GALNTL6: variants seen among roughly 807,000 people sequenced by gnomAD.
GALNTL6 encodes the protein polypeptide N-acetylgalactosaminyltransferase-like 6.
A neutral mutation model predicts 73.7 loss-of-function variants in GALNTL6; 46 were observed. The observed-to-expected ratio is 0.62, with a 90% CI of 0.49 to 0.80. The LOEUF is 0.80. GALNTL6 is among the 30% of genes least tolerant of loss of function. The pLI is 0.00. For synonymous variants in GALNTL6, 259 were observed against 263.7 expected, an observed-to-expected ratio of 0.98 and a Z score of 0.17; for missense variants, 604 against 755.0, an observed-to-expected ratio of 0.80 and a Z score of 2.34.
At chr4:172,540,051 C>CTTTTTTTTT (rs70944413) in intron 5 of GALNTL6, among the ~76,000 whole-genome samples, 2 of 129,202 alleles carry the variant, frequency 1.5e-5, no homozygotes, top group Non-Finnish European at 3.3e-5. Flanking sequence ...TTCTTTCTTT[C>CTTTTTTTTT]TTTTTTTTTT....
intron 2 of GALNTL6, among the ~76,000 whole-genome samples, chr4:172,179,500 G>C (rs1735164959): frequency 7.2e-6 from 1 of 138,062 alleles, no homozygotes; most frequent in Non-Finnish European, 1.5e-5. Flanking sequence ...TTTTGATGGG[G>C]TTGTTTGTTT....
chr4:172,532,131 A>C (rs943417590), intron 5 of GALNTL6, among the ~76,000 whole-genome samples: 1 of 152,154 alleles, frequency 6.6e-6, no homozygotes, highest in African/African-American at 2.4e-5. Context: ...TATGAGTTGG[A>C]TTGATACACT....
intron 5 of GALNTL6, among the ~76,000 whole-genome samples, chr4:172,749,277 C>T (rs1737292786): frequency 6.6e-6 from 1 of 152,010 alleles, no homozygotes; most frequent in Non-Finnish European, 1.5e-5. Flanking sequence ...CCTACGATAT[C>T]CTTATACACC....
At chr4:172,979,247 T>C (rs1180579391) in intron 10 of GALNTL6, among the ~76,000 whole-genome samples, 1 of 152,212 alleles carries the variant, frequency 6.6e-6, no homozygotes, top group African/African-American at 2.4e-5. Flanking sequence ...AAATTATTGA[T>C]AATGGAAACT....
chr4:172,439,272 A>G (rs1731745655), intron 5 of GALNTL6, among the ~76,000 whole-genome samples: 1 of 151,696 alleles, frequency 6.6e-6, no homozygotes, highest in African/African-American at 2.4e-5. Context: ...CCAATATTCC[A>G]CAAAGACTGT....
At chr4:172,346,358 C>G (rs1310976891) in intron 4 of GALNTL6, among the ~76,000 whole-genome samples, 3 of 152,188 alleles carry the variant, frequency 2.0e-5, no homozygotes, top group Non-Finnish European at 2.9e-5. Flanking sequence ...CAATATGTCC[C>G]TCACACAGGC....
intron 5 of GALNTL6, among the ~76,000 whole-genome samples, chr4:172,600,030 G>A (rs1737996585): frequency 6.6e-6 from 1 of 152,046 alleles, no homozygotes; most frequent in Non-Finnish European, 1.5e-5. Flanking sequence ...AAGTTAACAG[G>A]TAAATTTCTA....
At chr4:172,213,289 G>A (rs1237118866) in intron 2 of GALNTL6, among the ~76,000 whole-genome samples, 2 of 152,144 alleles carry the variant, frequency 1.3e-5, no homozygotes. Context: ...TTTCAAACTA[G>A]TTAGGTAAAT....
intron 2 of GALNTL6, among the ~76,000 whole-genome samples, chr4:172,182,658 G>C (rs960002291): frequency 2.0e-5 from 3 of 151,578 alleles, no homozygotes; most frequent in African/African-American, 7.3e-5. Context: ...CATTTCTAGG[G>C]GGGAGTAAAA....
chr4:172,799,995 C>G (rs902319424), intron 5 of GALNTL6, among the ~76,000 whole-genome samples: 2 of 152,132 alleles, frequency 1.3e-5, no homozygotes, highest in African/African-American at 2.4e-5. Context: ...GGACATTGCA[C>G]TGAGACAAGT....
At chr4:172,966,076 A>G (rs1750311902) in intron 10 of GALNTL6, among the ~76,000 whole-genome samples, 1 of 152,250 alleles carries the variant, frequency 6.6e-6, no homozygotes, top group South Asian at 2.1e-4. Context: ...AAAAATTAAG[A>G]GAATTGAATA....
chr4:172,391,980 A>T (rs1035606485), intron 5 of GALNTL6, among the ~76,000 whole-genome samples: 2 of 152,108 alleles, frequency 1.3e-5, no homozygotes, highest in African/African-American at 4.8e-5. Flanking sequence ...TTAACTCAAA[A>T]AATTTTAAAC....
At chr4:172,519,477 C>T (rs1734708363) in intron 5 of GALNTL6, among the ~76,000 whole-genome samples, 1 of 150,086 alleles carries the variant, frequency 6.7e-6, no homozygotes, top group Non-Finnish European at 1.5e-5. Context: ...AAATCAATTA[C>T]CTGAATGTTT....
chr4:172,220,013 T>G (rs775373191), intron 2 of GALNTL6, among the ~76,000 whole-genome samples: 1 of 151,912 alleles, frequency 6.6e-6, no homozygotes, highest in African/African-American at 2.4e-5. Context: ...AATCCAATTC[T>G]CTGTTAGGAA....
At chr4:172,084,844 A>G (rs919217005) in intron 2 of GALNTL6, among the ~76,000 whole-genome samples, 1 of 152,184 alleles carries the variant, frequency 6.6e-6, no homozygotes, top group Non-Finnish European at 1.5e-5. Context: ...AAGAAGGAGA[A>G]TAGACACAGC....
intron 5 of GALNTL6, among the ~76,000 whole-genome samples, chr4:172,350,640 G>A (rs559435955): frequency 6.6e-6 from 1 of 152,226 alleles, no homozygotes; most frequent in East Asian, 1.9e-4. Context: ...CAAATTGAAA[G>A]TATAATTTTA....
At chr4:172,264,555 A>AATATATATATATATAT (rs201920170) in intron 3 of GALNTL6, among the ~76,000 whole-genome samples, 129 of 103,690 alleles carry the variant, frequency 1.2e-3, no homozygotes, top group South Asian at 2.2e-3. Flanking sequence ...ATATATGCCA[A>AATATATATATATATAT]ATATATATAT....
At chr4:172,264,580 A>ATG (rs1738379941) in intron 3 of GALNTL6, among the ~76,000 whole-genome samples, 1 of 86,746 alleles carries the variant, frequency 1.2e-5, no homozygotes, top group Admixed American at 1.3e-4. Flanking sequence ...ATATATATAT[A>ATG]TATATATATA....
intron 7 of GALNTL6, among the ~76,000 whole-genome samples, chr4:172,862,790 T>C (rs947799421): frequency 2.0e-5 from 3 of 152,194 alleles, no homozygotes; most frequent in African/African-American, 7.2e-5. Context: ...AGGAGCTGAA[T>C]ATTAATCAAC....
Sources: allele counts gnomAD v4.1 joint callset (sites outside exome capture counted in the v4.1 genomes callset), GRCh38; gene constraint gnomAD v4.1.1; transcripts MANE v1.5; gene names NCBI Gene and HGNC (gene_info 2026-07-23, HGNC 2026-07-21).